GRM8: variants seen among roughly 807,000 people sequenced by gnomAD.
The protein encoded by GRM8 is glutamate metabotropic receptor 8.
Under a neutral mutation model 87.2 loss-of-function variants are expected in GRM8, and 47 were observed. The observed-to-expected ratio is 0.54, with a 90% confidence interval of 0.43 to 0.69. GRM8 has a LOEUF of 0.69. Among genes scored for constraint, GRM8 ranks in the 30% least tolerant of loss-of-function variants. The probability of loss-of-function intolerance (pLI) is 0.00; values close to 1 mark genes in which losing one functional copy is unlikely to be tolerated. For synonymous variants in GRM8, 396 were observed against 404.5 expected (o/e 0.98, Z 0.25); for missense variants, 1,019 against 1,139.2 (o/e 0.89, Z 1.52).
chr7:126,793,539 T>G (rs1821600191), intron 6 of GRM8, among the ~76,000 whole-genome samples: 1 of 152,024 alleles, frequency 6.6e-6, no homozygotes, highest in African/African-American at 2.4e-5. Flanking sequence ...CTGTAAAGAG[T>G]TATATAAACC....
At chr7:126,565,533 A>G (rs561063005) in intron 8 of GRM8, among the ~76,000 whole-genome samples, 189 of 152,260 alleles carry the variant, frequency 1.2e-3, no homozygotes, top group African/African-American at 3.9e-3. Context: ...ATATTGATGA[A>G]AGAAATTAAA....
intron 7 of GRM8, among the ~76,000 whole-genome samples, chr7:126,684,279 G>A (rs989384456): frequency 1.3e-5 from 2 of 152,156 alleles, no homozygotes; most frequent in African/African-American, 4.8e-5. Context: ...ATCCTCTTGG[G>A]TCCAAGGACT....
At chr7:126,527,435 C>T (rs937844335) in intron 9 of GRM8, among the ~76,000 whole-genome samples, 2 of 152,184 alleles carry the variant, frequency 1.3e-5, no homozygotes, top group Admixed American at 6.5e-5. Flanking sequence ...CAGTGATTAA[C>T]GATTACAAAC....
Position 127,117,412 on chromosome 7 carries a change from C to T in GRM8, c.511-10700G>A, listed in dbSNP as rs117016301. ...CAGCATCCCAGGGAGACATGGAGAA[C>T]TGCATTCCCTGATTTCATTCTTTCT... is the stretch of plus-strand genomic sequence containing the variant. On this transcript the variant is annotated intron_variant, in intron 2 of 10. Transcript: ENST00000339582. 5.5e-3 allele frequency among the ~76,000 whole-genome samples: 845 copies of T among 152,314 alleles called. 5 individuals are homozygous for T. The highest frequency in any genetic ancestry group is 8.6e-3 in the Non-Finnish European group (582 of 68,030).
intron 3 of GRM8, among the ~76,000 whole-genome samples, chr7:127,098,224 A>C (rs573171721): frequency 4.6e-5 from 7 of 152,348 alleles, no homozygotes; most frequent in Admixed American, 4.6e-4. Flanking sequence ...ACAAATATAA[A>C]GTAAAATTTT....
intron 9 of GRM8, among the ~76,000 whole-genome samples, chr7:126,526,021 C>T (rs1355425184): frequency 6.6e-6 from 1 of 152,032 alleles, no homozygotes; most frequent in Non-Finnish European, 1.5e-5. Flanking sequence ...CCATATGATA[C>T]CACATTTAGA....
At chr7:126,708,968 T>G (rs1810827050) in intron 7 of GRM8, among the ~76,000 whole-genome samples, 1 of 152,170 alleles carries the variant, frequency 6.6e-6, no homozygotes, top group Admixed American at 6.6e-5. Context: ...AAGTAGAATT[T>G]GTGTTCTCAC....
At chr7:126,940,105 T>C (rs1230233927) in intron 3 of GRM8, among the ~76,000 whole-genome samples, 1 of 152,240 alleles carries the variant, frequency 6.6e-6, no homozygotes, top group East Asian at 1.9e-4. Flanking sequence ...CTAAAGCACA[T>C]GCTTGAAACT....
chr7:126,872,274 C>G (rs1413909728), intron 6 of GRM8, among the ~76,000 whole-genome samples: 3 of 152,116 alleles, frequency 2.0e-5, no homozygotes, highest in Non-Finnish European at 2.9e-5. Flanking sequence ...TAACCTTTCC[C>G]CATTTCCTCT....
intron 7 of GRM8, among the ~76,000 whole-genome samples, chr7:126,677,799 AGT>A (rs1478074862): frequency 6.6e-6 from 1 of 152,242 alleles, no homozygotes; most frequent in East Asian, 1.9e-4. Context: ...ACCACTATAC[AGT>A]TCATCCATGA....
At chr7:126,842,994 GA>G (rs537162803) in intron 6 of GRM8, among the ~76,000 whole-genome samples, 6 of 151,994 alleles carry the variant, frequency 3.9e-5, no homozygotes, top group Non-Finnish European at 7.4e-5. Flanking sequence ...GAATTGGAAG[GA>G]AAAAAATTAA....
intron 7 of GRM8, among the ~76,000 whole-genome samples, chr7:126,699,507 CCT>C (rs1254033969): frequency 1.3e-5 from 2 of 152,042 alleles, no homozygotes; most frequent in African/African-American, 2.4e-5. Flanking sequence ...AAAAAAATCC[CCT>C]GTGATTTTGA....
At chr7:126,540,309 G>C (rs1181900024) in intron 8 of GRM8, among the ~76,000 whole-genome samples, 1 of 152,112 alleles carries the variant, frequency 6.6e-6, no homozygotes, top group Non-Finnish European at 1.5e-5. Flanking sequence ...TAAAGATGTG[G>C]ATGAAGACAT....
intron 7 of GRM8, among the ~76,000 whole-genome samples, chr7:126,739,548 T>TA (rs149360735): frequency 0.022 from 3,344 of 152,240 alleles, 137 homozygotes; most frequent in African/African-American, 0.076. Context: ...TAATATTTAA[T>TA]AGCAGTGTTT....
chr7:127,244,402 T>C (rs997514015), intron 1 of GRM8, among the ~76,000 whole-genome samples: 1 of 152,210 alleles, frequency 6.6e-6, no homozygotes, highest in African/African-American at 2.4e-5. Flanking sequence ...CACGCAAATC[T>C]ACAGACAAAG....
At chr7:127,135,529 C>T (rs540571504) in intron 2 of GRM8, among the ~76,000 whole-genome samples, 1 of 140,274 alleles carries the variant, frequency 7.1e-6, no homozygotes, top group Non-Finnish European at 1.5e-5. Flanking sequence ...TGAGAAGAGG[C>T]TAGTTAGAAA....
chr7:127,166,850 A>G (rs954886139), intron 2 of GRM8, among the ~76,000 whole-genome samples: 1 of 152,074 alleles, frequency 6.6e-6, no homozygotes, highest in African/African-American at 2.4e-5. Context: ...TTCTTAAATA[A>G]CTTGTTTAAA....
chr7:126,862,140 T>C (rs1339141066), intron 6 of GRM8, among the ~76,000 whole-genome samples: 1 of 152,018 alleles, frequency 6.6e-6, no homozygotes, highest in Non-Finnish European at 1.5e-5. Flanking sequence ...TTTTAGTTTG[T>C]TTTAAATGTC....
At chr7:127,188,968 C>A (rs1794881000) in intron 2 of GRM8, among the ~76,000 whole-genome samples, 1 of 152,216 alleles carries the variant, frequency 6.6e-6, no homozygotes, top group South Asian at 2.1e-4. Context: ...TTTATTTTCT[C>A]ATGGTTTCCA....
Sources: allele counts gnomAD v4.1 joint callset (sites outside exome capture counted in the v4.1 genomes callset), GRCh38; gene constraint gnomAD v4.1.1; transcripts MANE v1.5; gene names NCBI Gene and HGNC (gene_info 2026-07-23, HGNC 2026-07-21).